Variants in SPOCK1 observed in about 807,000 individuals in gnomAD.
The protein encoded by SPOCK1 is testican-1.
Under a neutral mutation model 55.3 loss-of-function variants are expected in SPOCK1, and 23 were observed. That is an observed-to-expected ratio of 0.42 (90% CI 0.30 to 0.59). SPOCK1 has a LOEUF of 0.59. SPOCK1 is among the 20% of genes least tolerant of loss of function. The pLI is 0.22. For missense variants in SPOCK1, 499 were observed against 552.5 expected (o/e 0.90, Z 0.97); for synonymous variants, 226 against 221.0 (o/e 1.02, Z -0.20).
chr5:137,398,915 C>T (rs17601019), intron 2 of SPOCK1, among the ~76,000 whole-genome samples: 8,944 of 152,172 alleles, frequency 0.059, 349 homozygotes, highest in Non-Finnish European at 0.089. Context: ...GCATGCACCA[C>T]GCCAATTGGA....
At chr5:137,442,278 G>T (rs371000075) in intron 2 of SPOCK1, among the ~76,000 whole-genome samples, 1 of 152,140 alleles carries the variant, frequency 6.6e-6, no homozygotes, top group Admixed American at 6.5e-5. Flanking sequence ...GTTCGGGGAC[G>T]GGGGAGCGGG....
chr5:137,124,372 C>T (rs2127039969), intron 4 of SPOCK1, among the ~76,000 whole-genome samples: 1 of 152,300 alleles, frequency 6.6e-6, no homozygotes, highest in East Asian at 1.9e-4. Context: ...TGCCTGCTGC[C>T]TCCCCAGGCT....
chr5:136,978,313 T>C lies in SPOCK1; in HGVS notation c.*341A>G. 3.2e-6 allele frequency: 1 copy of C among 317,182 alleles called. No individual in the cohort carries two copies. Among genetic ancestry groups the C allele is most frequent in the East Asian group, 5.2e-5 (1 of 19,098 alleles). 19.6% of individuals were successfully genotyped at this position (317,182 alleles called of 1,614,324 possible). ...GGGTAATCAAAAAGGGTCTTTGACATTTAAGAGGGTTGGGGCTCCCTGCAC... is the reference window on the plus strand; with the variant it reads ...GGGTAATCAAAAAGGGTCTTTGACACTTAAGAGGGTTGGGGCTCCCTGCAC... On this transcript the variant is annotated 3_prime_UTR_variant, in exon 11 of 11. Transcript: ENST00000394945.
intron 6 of SPOCK1, among the ~76,000 whole-genome samples, chr5:137,044,187 G>A (rs900011717): frequency 1.3e-5 from 2 of 152,192 alleles, no homozygotes; most frequent in African/African-American, 4.8e-5. Flanking sequence ...CCAAGAAAGT[G>A]AGGAGAGTTG....
chr5:137,250,348 T>C (rs1756485037), intron 3 of SPOCK1, among the ~76,000 whole-genome samples: 2 of 152,204 alleles, frequency 1.3e-5, no homozygotes, highest in African/African-American at 4.8e-5. Flanking sequence ...TCCATTTCCT[T>C]TCCTGTAAGA....
chr5:137,299,196 G>A (rs1330592171), intron 2 of SPOCK1, among the ~76,000 whole-genome samples: 1 of 151,962 alleles, frequency 6.6e-6, no homozygotes, highest in Non-Finnish European at 1.5e-5. Context: ...AAACAGTCTA[G>A]GCAGAGTTCC....
chr5:137,321,524 A>G (rs1309803799), intron 2 of SPOCK1, among the ~76,000 whole-genome samples: 4 of 152,228 alleles, frequency 2.6e-5, no homozygotes, highest in Non-Finnish European at 5.9e-5. Context: ...CAGTGTATAT[A>G]TCAGCAGAAA....
intron 2 of SPOCK1, among the ~76,000 whole-genome samples, chr5:137,269,653 G>A (rs192174318): frequency 2.0e-5 from 3 of 152,318 alleles, no homozygotes; most frequent in Admixed American, 2.0e-4. Flanking sequence ...CATCAATTAA[G>A]TCACTCTGTG....
At chr5:137,328,256 G>A (rs907622614) in intron 2 of SPOCK1, among the ~76,000 whole-genome samples, 8 of 152,202 alleles carry the variant, frequency 5.3e-5, no homozygotes, top group African/African-American at 9.6e-5. Flanking sequence ...TCAAGTTCCC[G>A]GGCCATATGC....
chr5:137,035,426 G>T (rs766096158), intron 6 of SPOCK1, among the ~76,000 whole-genome samples: 1 of 152,208 alleles, frequency 6.6e-6, no homozygotes, highest in African/African-American at 2.4e-5. Flanking sequence ...TCTCTGCAAG[G>T]TGGCTATTTT....
intron 3 of SPOCK1, among the ~76,000 whole-genome samples, chr5:137,254,222 T>C (rs1171035482): frequency 6.6e-6 from 1 of 152,234 alleles, no homozygotes; most frequent in East Asian, 1.9e-4. Flanking sequence ...AATAATTTTA[T>C]CTTAGCAGGG....
chr5:137,404,225 G>A (rs1752045630), intron 2 of SPOCK1, among the ~76,000 whole-genome samples: 1 of 152,152 alleles, frequency 6.6e-6, no homozygotes, highest in Admixed American at 6.5e-5. Flanking sequence ...CACGGCAAGT[G>A]CACACCAGCC....
chr5:137,176,803 G>T (rs1403122090), intron 3 of SPOCK1, among the ~76,000 whole-genome samples: 4 of 152,122 alleles, frequency 2.6e-5, no homozygotes, highest in Non-Finnish European at 5.9e-5. Flanking sequence ...TCTAGTTGAT[G>T]AAATGCAGCA....
chr5:137,212,322 CT>C (rs995587819), intron 3 of SPOCK1, among the ~76,000 whole-genome samples: 2 of 150,598 alleles, frequency 1.3e-5, no homozygotes, highest in Admixed American at 6.6e-5. Context: ...AAAAACAGGG[CT>C]TTTTTTTTAA....
chr5:137,485,924 G>C (rs535803892), intron 2 of SPOCK1, among the ~76,000 whole-genome samples: 1 of 152,286 alleles, frequency 6.6e-6, no homozygotes, highest in African/African-American at 2.4e-5. Context: ...GGCTGTTTGG[G>C]TGTGTTCACT....
Position 137,067,715 on chromosome 5 carries a change from C to T in SPOCK1, c.589G>A (p.Ala197Thr). 1 of 1,613,872 alleles carries T rather than the reference C, an allele frequency of 6.2e-7. No homozygotes were observed. Among genetic ancestry groups the T allele is most frequent in the Non-Finnish European group, 8.5e-7 (1 of 1,179,764 alleles). The change falls in exon 6 of 11, where the codon GCC (alanine) becomes ACC (threonine). Residue 197 changes from alanine to threonine, a missense_variant and splice_region_variant. Ala to Thr is a moderately conservative substitution (Grantham distance 58). Around this residue, in one of 3 missense-constraint regions of SPOCK1, gnomAD observed 386 missense variants for 400.6 expected, o/e 0.96. Transcript: ENST00000394945. The part of the protein sequence containing the change: ...EPPKHKAERS[A>T]CTDKELRNLA... ...TTCTCTGAAGGAAACCCTCACTCAC[C>T]ACTCCTTTCTGCCTTGTGCTTTGGT...
In SPOCK1 at chr5:136,978,445, A is replaced by AC. The variant is rs140985427; in HGVS notation, c.*208_*209insG. The AC allele has an allele frequency of 9.5e-3, 3,711 of 389,896 alleles. 28 individuals carry two copies. Among genetic ancestry groups the AC allele is most frequent in the African/African-American group, 0.027 (1,191 of 44,758 alleles). The allele number at this position is 389,896 out of a possible 1,614,324, so 24.2% of individuals were successfully genotyped here. A position where few individuals can be genotyped will look rare whatever the true frequency, so the allele number is the denominator to read the frequency against. On this transcript the variant is annotated 3_prime_UTR_variant, in exon 11 of 11. Transcript: ENST00000394945. ...CCTATCCAAAAAATAAACAACAACAAAAAAAAAACACAACACCCTTTCTCC... is the reference window on the plus strand; with the variant it reads ...CCTATCCAAAAAATAAACAACAACAACAAAAAAAACACAACACCCTTTCTCC...
At chr5:137,498,254 T>A (rs952424602) in intron 2 of SPOCK1, 119 bp downstream of exon 2, 15 of 1,017,268 alleles carry the variant, frequency 1.5e-5, no homozygotes, top group Non-Finnish European at 1.8e-5. Flanking sequence ...TGCCCACCTG[T>A]CCCCCTCCCA....
chr5:137,067,669 C>A (rs760721203), intron 6 of SPOCK1, 46 bp downstream of exon 6: 5 of 1,534,420 alleles, frequency 3.3e-6, no homozygotes, highest in Non-Finnish European at 4.5e-6. Flanking sequence ...CCCTCTGTGA[C>A]CCCCCATTCC....
Sources: gnomAD v4.1 joint callset for allele counts (sites outside exome capture counted in the v4.1 genomes callset) on GRCh38, gnomAD v4.1.1 for gene constraint, gnomAD v4.1.1 regional missense constraint, MANE v1.5 for transcripts, NCBI Gene and HGNC (gene_info 2026-07-23, HGNC 2026-07-21) for gene names.